MYO16: variants seen among roughly 807,000 people sequenced by gnomAD.
MYO16 encodes unconventional myosin-XVI.
A neutral mutation model predicts 205.3 loss-of-function variants in MYO16; 94 were observed. The observed-to-expected ratio is 0.46, with a 90% CI of 0.39 to 0.54. MYO16 has a LOEUF of 0.54. MYO16 is among the 20% of genes least tolerant of loss of function. MYO16 has a pLI of 0.00. For missense variants in MYO16, 2,315 were observed against 2,387.5 expected (o/e 0.97, Z 0.63); for synonymous variants, 988 against 954.0 (o/e 1.04, Z -0.66).
At chr13:109,008,754 ACT>A in intron 21 of MYO16, 141 bp from the exon 22 acceptor site, 1 of 373,370 alleles carries the variant, frequency 2.7e-6, no homozygotes, top group East Asian at 6.5e-5. Context: ...GCACTACTGT[ACT>A]ATCTTGTGTA....
chr13:108,744,653 G>C (rs772444637), intron 4 of MYO16, among the ~76,000 whole-genome samples: 2 of 152,194 alleles, frequency 1.3e-5, no homozygotes, highest in Non-Finnish European at 2.9e-5. Flanking sequence ...GGTGAAATCA[G>C]TGACTGCATC....
At chr13:109,007,829 G>C (rs1216549732) in intron 21 of MYO16, among the ~76,000 whole-genome samples, 3 of 152,006 alleles carry the variant, frequency 2.0e-5, no homozygotes, top group Non-Finnish European at 2.9e-5. Flanking sequence ...TCAATATAAT[G>C]ATTTGACTGT....
At chr13:108,789,548 A>C (rs1348930783) in intron 5 of MYO16, among the ~76,000 whole-genome samples, 1 of 152,156 alleles carries the variant, frequency 6.6e-6, no homozygotes, top group Non-Finnish European at 1.5e-5. Flanking sequence ...TACAGTCTGC[A>C]TGACTACATA....
intron 10 of MYO16, 124 bp from the exon 11 acceptor site, chr13:108,855,319 A>C (rs1878110844): frequency 2.1e-6 from 1 of 479,538 alleles, no homozygotes; most frequent in Admixed American, 3.4e-5. Flanking sequence ...TCATCTCTTA[A>C]TAACAGTTCC....
At chr13:108,983,291 G>A (rs140347870) in intron 20 of MYO16, among the ~76,000 whole-genome samples, 37 of 152,132 alleles carry the variant, frequency 2.4e-4, no homozygotes, top group African/African-American at 8.4e-4. Context: ...TTCTCCATCT[G>A]AATCTCACGT....
In MYO16 at chr13:108,940,832, A is replaced by G. The variant is rs78623311; in HGVS notation, c.1926-16856A>G. On this transcript the variant is annotated intron_variant, in intron 16 of 34. Coordinates refer to ENST00000457511, the MANE Select transcript of MYO16 (RefSeq NM_001198950.3). ...ATTGTATATACTATACTGCAAATAC[A>G]ATTATATTTGTGCCAGTTAATCCAC... Among the ~76,000 whole-genome samples, 56 of 152,334 alleles carry G rather than the reference A, an allele frequency of 3.7e-4. No homozygotes were observed. In the East Asian group the frequency reaches 0.01, roughly 28 times the overall value.
At chr13:108,573,441 A>C in the MYO16 span, among the ~76,000 whole-genome samples, 1 of 152,250 alleles carries the variant, frequency 6.6e-6, no homozygotes, top group African/African-American at 2.4e-5. Context: ...TTAAAAATTA[A>C]TTGTGTATAA....
At chr13:108,656,511 G>A (rs1881252231) in intron 1 of MYO16, among the ~76,000 whole-genome samples, 1 of 152,128 alleles carries the variant, frequency 6.6e-6, no homozygotes, top group African/African-American at 2.4e-5. Flanking sequence ...GACATCAATA[G>A]TGCCCACTTC....
chr13:108,718,878 G>A (rs751650255), intron 3 of MYO16, among the ~76,000 whole-genome samples: 20 of 152,058 alleles, frequency 1.3e-4, no homozygotes, highest in Non-Finnish European at 2.5e-4. Context: ...ACCTGCCTGC[G>A]GATGTATTTT....
chr13:108,959,025 G>C (rs565177109), intron 17 of MYO16, among the ~76,000 whole-genome samples: 63 of 152,336 alleles, frequency 4.1e-4, no homozygotes, highest in Non-Finnish European at 7.6e-4. Flanking sequence ...CGTTATGGCT[G>C]ACGGGGCAGT....
At chr13:108,669,423 G>T (rs139486841) in intron 2 of MYO16, among the ~76,000 whole-genome samples, 1 of 152,050 alleles carries the variant, frequency 6.6e-6, no homozygotes, top group East Asian at 1.9e-4. Flanking sequence ...AGTATAAAGA[G>T]CTCTTTAAAG....
intron 2 of MYO16, among the ~76,000 whole-genome samples, chr13:108,712,038 T>A (rs1386302870): frequency 6.6e-6 from 1 of 152,200 alleles, no homozygotes; most frequent in African/African-American, 2.4e-5. Context: ...TGGCATTCTG[T>A]GTACTAATGA....
chr13:108,727,631 A>T (rs1484221117), intron 4 of MYO16, 48 bp downstream of exon 4: 1 of 1,575,256 alleles, frequency 6.3e-7, no homozygotes, highest in African/African-American at 1.4e-5. Context: ...ATGGCATGTA[A>T]AAGGCTATAT....
At chr13:108,942,425 C>T (rs1882768953) in intron 16 of MYO16, among the ~76,000 whole-genome samples, 2 of 152,108 alleles carry the variant, frequency 1.3e-5, no homozygotes, top group African/African-American at 4.8e-5. Flanking sequence ...CGTTTTACTC[C>T]ATTACTAATT....
chr13:108,600,428 C>A (rs535517534), intron 1 of MYO16, among the ~76,000 whole-genome samples: 193 of 152,232 alleles, frequency 1.3e-3, no homozygotes, highest in Non-Finnish European at 2.1e-3. Context: ...TGTCCAGTAC[C>A]TTGTGAGAAG....
intron 9 of MYO16, among the ~76,000 whole-genome samples, chr13:108,825,675 T>C (rs569443122): frequency 6.6e-6 from 1 of 152,050 alleles, no homozygotes; most frequent in South Asian, 2.1e-4. Context: ...ATCTTGTGTA[T>C]AGAAAATTCT....
intron 4 of MYO16, among the ~76,000 whole-genome samples, chr13:108,744,660 C>A (rs893275585): frequency 2.6e-5 from 4 of 152,182 alleles, no homozygotes; most frequent in Non-Finnish European, 2.9e-5. Context: ...TCAGTGACTG[C>A]ATCTTCATTT....
intron 7 of MYO16, among the ~76,000 whole-genome samples, chr13:108,809,471 C>T (rs1887217416): frequency 6.6e-6 from 1 of 152,138 alleles, no homozygotes; most frequent in Non-Finnish European, 1.5e-5. Flanking sequence ...CTGGGGAGGC[C>T]TCAGGGAGCT....
At chr13:109,080,218 A>G (rs1888241534) in intron 27 of MYO16, among the ~76,000 whole-genome samples, 1 of 152,082 alleles carries the variant, frequency 6.6e-6, no homozygotes, top group Admixed American at 6.5e-5. Flanking sequence ...AATGTGGATA[A>G]TATTTTTCTA....
Sources: gnomAD v4.1 joint callset for allele counts (sites outside exome capture counted in the v4.1 genomes callset) on GRCh38, gnomAD v4.1.1 for gene constraint, MANE v1.5 for transcripts, NCBI Gene and HGNC (gene_info 2026-07-23, HGNC 2026-07-21) for gene names.